Variants in MDGA2 observed in about 807,000 individuals in gnomAD.
MDGA2 encodes MAM domain containing glycosylphosphatidylinositol anchor 2, also known as MAM domain-containing glycosylphosphatidylinositol anchor protein 2.
A neutral mutation model predicts 117.8 loss-of-function variants in MDGA2; 40 were observed. The observed-to-expected ratio is 0.34, with a 90% CI of 0.26 to 0.44. The LOEUF (loss-of-function observed/expected upper bound fraction) is 0.44. MDGA2 is among the 20% of genes least tolerant of loss of function. The pLI is 1.00. For synonymous variants in MDGA2, 452 were observed against 439.0 expected, an observed-to-expected ratio of 1.03 and a Z score of -0.37; for missense variants, 1,123 against 1,250.6, an observed-to-expected ratio of 0.90 and a Z score of 1.54.
At chr14:47,155,295 G>T (rs562985471) in intron 3 of MDGA2, among the ~76,000 whole-genome samples, 184 of 152,196 alleles carry the variant, frequency 1.2e-3, no homozygotes, top group Middle Eastern at 3.4e-3. Context: ...TGGCAGGATT[G>T]AAAGAGCTAT....
At chr14:47,402,084 A>C (rs1403260292) in intron 1 of MDGA2, among the ~76,000 whole-genome samples, 1 of 152,126 alleles carries the variant, frequency 6.6e-6, no homozygotes, top group African/African-American at 2.4e-5. Flanking sequence ...TAAGACTTTC[A>C]CGGTTTGTTT....
chr14:47,615,933 G>A (rs1896940786), intron 1 of MDGA2, among the ~76,000 whole-genome samples: 1 of 152,106 alleles, frequency 6.6e-6, no homozygotes, highest in Non-Finnish European at 1.5e-5. Flanking sequence ...GGGGTCTTTG[G>A]CACTAGCATG....
chr14:47,204,347 G>T (rs1260927626), intron 3 of MDGA2, among the ~76,000 whole-genome samples: 1 of 151,924 alleles, frequency 6.6e-6, no homozygotes, highest in Non-Finnish European at 1.5e-5. Flanking sequence ...AAAATGTGTT[G>T]ATTTATGCAT....
At chr14:47,216,619 T>A (rs1886098303) in intron 3 of MDGA2, among the ~76,000 whole-genome samples, 1 of 152,106 alleles carries the variant, frequency 6.6e-6, no homozygotes, top group Non-Finnish European at 1.5e-5. Flanking sequence ...TACAATTGTG[T>A]TTAAGGTATT....
chr14:47,473,757 C>A (rs1893777969), intron 1 of MDGA2, among the ~76,000 whole-genome samples: 1 of 151,940 alleles, frequency 6.6e-6, no homozygotes, highest in Admixed American at 6.6e-5. Flanking sequence ...AAAAGGCCTT[C>A]AATAAAATTC....
chr14:47,585,155 T>C (rs1896300596), intron 1 of MDGA2, among the ~76,000 whole-genome samples: 2 of 151,882 alleles, frequency 1.3e-5, no homozygotes, highest in Non-Finnish European at 2.9e-5. Flanking sequence ...TTATTCCAAA[T>C]AGGTAATTTG....
At chr14:46,934,184 G>A (rs1395129368) in intron 9 of MDGA2, among the ~76,000 whole-genome samples, 1 of 151,800 alleles carries the variant, frequency 6.6e-6, no homozygotes, top group Non-Finnish European at 1.5e-5. Flanking sequence ...CTATCCTCTT[G>A]TTTGTCTATT....
chr14:47,378,396 G>A (rs988525936), intron 1 of MDGA2, among the ~76,000 whole-genome samples: 4 of 152,150 alleles, frequency 2.6e-5, no homozygotes, highest in African/African-American at 9.7e-5. Context: ...GGCTTCAGAC[G>A]ATCGGTAATA....
At chr14:47,385,530 A>C (rs1348516549) in intron 1 of MDGA2, among the ~76,000 whole-genome samples, 1 of 152,300 alleles carries the variant, frequency 6.6e-6, no homozygotes, top group East Asian at 1.9e-4. Context: ...TAATATTATT[A>C]TTCAAGAGAA....
chr14:46,922,314 AAC>A (rs1411634143), intron 9 of MDGA2, among the ~76,000 whole-genome samples: 1 of 152,196 alleles, frequency 6.6e-6, no homozygotes, highest in Non-Finnish European at 1.5e-5. Flanking sequence ...GTATTTAGTC[AAC>A]ACTTAAACAG....
chr14:47,029,780 T>C (rs1001619415), intron 8 of MDGA2, among the ~76,000 whole-genome samples: 2 of 152,156 alleles, frequency 1.3e-5, no homozygotes, highest in Admixed American at 1.3e-4. Context: ...ATAAAAACAA[T>C]ACTTTCTTTT....
At chr14:47,315,307 C>T (rs571524103) in intron 1 of MDGA2, among the ~76,000 whole-genome samples, 2 of 152,094 alleles carry the variant, frequency 1.3e-5, no homozygotes, top group African/African-American at 2.4e-5. Context: ...AATCTTCTGA[C>T]TTGTCTTAAA....
chr14:46,918,810 G>A (rs114204923), intron 10 of MDGA2, among the ~76,000 whole-genome samples: 5,050 of 138,012 alleles, frequency 0.037, 319 homozygotes, highest in African/African-American at 0.13. Context: ...GCCCAGAGCT[G>A]GAGTGCAGTG....
At chr14:47,124,749 G>A (rs1881814325) in intron 5 of MDGA2, among the ~76,000 whole-genome samples, 1 of 152,014 alleles carries the variant, frequency 6.6e-6, no homozygotes, top group African/African-American at 2.4e-5. Flanking sequence ...GGACACTAGA[G>A]GAAGGGACAC....
intron 1 of MDGA2, among the ~76,000 whole-genome samples, chr14:47,532,378 C>G (rs528004832): frequency 1.8e-4 from 27 of 152,220 alleles, no homozygotes; most frequent in Admixed American, 2.6e-4. Flanking sequence ...TCTCACCCAC[C>G]AATTTTGCCC....
intron 1 of MDGA2, among the ~76,000 whole-genome samples, chr14:47,338,366 C>A (rs1890521969): frequency 6.6e-6 from 1 of 151,758 alleles, no homozygotes; most frequent in African/African-American, 2.4e-5. Context: ...GCTAAAAACA[C>A]AAAAGGTCTA....
At chr14:47,231,895 CAT>C (rs1448938493) in intron 2 of MDGA2, among the ~76,000 whole-genome samples, 1 of 152,014 alleles carries the variant, frequency 6.6e-6, no homozygotes, top group Non-Finnish European at 1.5e-5. Context: ...AGCTTCCAGA[CAT>C]ATGTCTTGAG....
At chr14:47,039,190 A>G (rs1237890830) in intron 7 of MDGA2, among the ~76,000 whole-genome samples, 1 of 152,192 alleles carries the variant, frequency 6.6e-6, no homozygotes, top group East Asian at 1.9e-4. Context: ...ATAATAACAA[A>G]TTATAACTTT....
chr14:47,098,352 T>A (rs1424504079), intron 5 of MDGA2, among the ~76,000 whole-genome samples: 1 of 151,708 alleles, frequency 6.6e-6, no homozygotes, highest in Non-Finnish European at 1.5e-5. Flanking sequence ...TATGACCTTT[T>A]TAAGCATCAA....
Sources: allele counts gnomAD v4.1 joint callset (sites outside exome capture counted in the v4.1 genomes callset), GRCh38; gene constraint gnomAD v4.1.1; transcripts MANE v1.5; gene names NCBI Gene and HGNC (gene_info 2026-07-23, HGNC 2026-07-21).